The following BLNK variants were observed in gnomAD, a reference collection of about 807,000 sequenced individuals.
BLNK encodes B cell linker.
BLNK carries 29 observed loss-of-function variants against 73.5 expected under a neutral mutation model. The observed-to-expected ratio is 0.39, with a 90% confidence interval of 0.29 to 0.54. The LOEUF is 0.54. Among genes scored for constraint, BLNK ranks in the 20% least tolerant of loss-of-function variants. BLNK has a pLI of 0.61. For missense variants in BLNK, 460 were observed against 562.8 expected, an observed-to-expected ratio of 0.82 and a Z score of 1.85; for synonymous variants, 176 against 200.8, an observed-to-expected ratio of 0.88 and a Z score of 1.04.
At chr10:96,242,284 A>G (rs587756555) in intron 3 of BLNK, among the ~76,000 whole-genome samples, 1 of 152,088 alleles carries the variant, frequency 6.6e-6, no homozygotes, top group Non-Finnish European at 1.5e-5. Context: ...TTTGCCTTCC[A>G]CTATGATTGT....
At chr10:96,240,449 G>A (rs1203529356) in intron 3 of BLNK, among the ~76,000 whole-genome samples, 1 of 152,054 alleles carries the variant, frequency 6.6e-6, no homozygotes, top group Non-Finnish European at 1.5e-5. Flanking sequence ...TTTAAGAGAT[G>A]GGATCTCGCT....
At chr10:96,246,945 A>G in intron 2 of BLNK, 39 bp downstream of exon 2, 2 of 1,458,462 alleles carry the variant, frequency 1.4e-6, no homozygotes, top group South Asian at 1.2e-5. Context: ...ATGTTGACTT[A>G]TTTTATATAA....
intron 3 of BLNK, among the ~76,000 whole-genome samples, chr10:96,235,229 G>A (rs1554904874): frequency 3.9e-5 from 6 of 152,182 alleles, no homozygotes; most frequent in Non-Finnish European, 5.9e-5. Flanking sequence ...TCACCTCTGG[G>A]CCTCAGCTTC....
Position 96,191,802 on chromosome 10 carries a change from C to A in BLNK, c.*171G>T. On this transcript the variant is annotated 3_prime_UTR_variant, in exon 17 of 17. Transcript: ENST00000224337. ...ATCAGGTCAGGCAATAGAACAAGTC[C>A]ACATGAGCTTCTTAAAAAGAAATGG... 1 of 808,996 alleles carries A rather than the reference C, an allele frequency of 1.2e-6. No homozygotes were observed. The highest frequency in any genetic ancestry group is 1.7e-5 in the South Asian group (1 of 60,300). 50.1% of individuals were successfully genotyped at this position (808,996 alleles called of 1,614,324 possible). A position where few individuals can be genotyped will look rare whatever the true frequency, so the allele number is the denominator to read the frequency against.
chr10:96,203,706 C>T (rs1273642691), intron 13 of BLNK: 1 of 174,424 alleles, frequency 5.7e-6, no homozygotes, highest in African/African-American at 2.4e-5. Flanking sequence ...TGTTTAGAAC[C>T]AAACACTATA....
chr10:96,193,332 T>C (rs782180750), intron 16 of BLNK, among the ~76,000 whole-genome samples: 17 of 152,196 alleles, frequency 1.1e-4, no homozygotes, highest in Admixed American at 3.9e-4. Flanking sequence ...GAAAACGAAA[T>C]AGCACAATCT....
At position 96,209,858 on chromosome 10, in the gene BLNK, T is replaced by C. The variant is rs2133983317; in HGVS notation, c.726A>G (p.Pro242=). 2.5e-6 allele frequency: 4 copies of C among 1,614,212 alleles called. No individual in the cohort carries two copies. The highest frequency in any genetic ancestry group is 3.4e-6 in the Non-Finnish European group (4 of 1,180,022). ...CTTACCCGGCCCGTGGCAACGGGGA[T>C]GGTGCAGCTGGTGGAGGTGACTTGG... ...WETKSPPPAA[P]SPLPRAGKKP... is the part of the protein sequence containing the mutation. Residue 242 remains proline, a synonymous_variant, in exon 9 of 17, where the codon CCA becomes CCG. Transcript: ENST00000224337.
At chr10:96,265,074 G>A (rs1323095041) in intron 1 of BLNK, among the ~76,000 whole-genome samples, 1 of 151,982 alleles carries the variant, frequency 6.6e-6, no homozygotes, top group Non-Finnish European at 1.5e-5. Context: ...TCCCATTTCA[G>A]CCTCCTAAGT....
chr10:96,240,587 A>G lies in BLNK; in HGVS notation c.163+2148T>C, dbSNP rs138407762. Among the ~76,000 whole-genome samples the G allele has an allele frequency of 1.1e-4, 17 of 152,212 alleles. No individual in the cohort carries two copies. The East Asian group carries it at 3.3e-3, about 29-fold the overall frequency. Reference sequence around the variant, plus strand: ...ACTTTTCTTCATATTTAAAGGCTTGAACTGTGTGGCCATCAGGATAGACAT... The same window carrying G: ...ACTTTTCTTCATATTTAAAGGCTTGGACTGTGTGGCCATCAGGATAGACAT... On this transcript the variant is annotated intron_variant, in intron 3 of 16. Coordinates refer to ENST00000224337, the MANE Select transcript of BLNK (RefSeq NM_013314.4).
chr10:96,248,628 A>T (rs1195842256), intron 1 of BLNK, among the ~76,000 whole-genome samples: 1 of 152,262 alleles, frequency 6.6e-6, no homozygotes, highest in Non-Finnish European at 1.5e-5. Flanking sequence ...GTATATACAT[A>T]TAAGCATGTT....
At chr10:96,196,335 A>G (rs2083464269) in intron 16 of BLNK, among the ~76,000 whole-genome samples, 1 of 152,168 alleles carries the variant, frequency 6.6e-6, no homozygotes, top group African/African-American at 2.4e-5. Context: ...GGCTGGCTAA[A>G]CTGAGATATG....
chr10:96,261,607 T>C (rs185150378), intron 1 of BLNK, among the ~76,000 whole-genome samples: 24 of 152,274 alleles, frequency 1.6e-4, no homozygotes, highest in Middle Eastern at 6.8e-3. Context: ...AAATCTGAAG[T>C]CCTGCCATGG....
At chr10:96,206,869 C>G in intron 11 of BLNK, 142 bp downstream of exon 11, 1 of 896,276 alleles carries the variant, frequency 1.1e-6, no homozygotes, top group Non-Finnish European at 1.8e-6. Flanking sequence ...GTTCATTGCT[C>G]ATTGCAAAAA....
intron 1 of BLNK, among the ~76,000 whole-genome samples, chr10:96,250,707 TAAAC>T (rs1843249439): frequency 6.6e-6 from 1 of 152,202 alleles, no homozygotes; most frequent in Non-Finnish European, 1.5e-5. Context: ...TGGATGTAAA[TAAAC>T]AGATGCAAAA....
Position 96,271,405 on chromosome 10 carries a change from T to C in BLNK, c.-7A>G. ...TTTTATTAAGCTTGTCCATTCTGTT[T>C]GGTAATTGTAAGAGACACGAATAAC... On this transcript the variant is annotated 5_prime_UTR_variant, in exon 1 of 17. Transcript: ENST00000224337. 1 of 1,614,138 alleles carries C rather than the reference T, an allele frequency of 6.2e-7. No individual in the cohort carries two copies. Among genetic ancestry groups the C allele is most frequent in the Non-Finnish European group, 8.5e-7 (1 of 1,179,996 alleles).
intron 1 of BLNK, among the ~76,000 whole-genome samples, chr10:96,262,954 T>C (rs1843823813): frequency 6.6e-6 from 1 of 152,228 alleles, no homozygotes; most frequent in South Asian, 2.1e-4. Flanking sequence ...ACAGGTGACC[T>C]GGCCTCTCTG....
chr10:96,201,100 T>C (rs2083621188), intron 13 of BLNK, 42 bp from the exon 14 acceptor site: 1 of 1,537,530 alleles, frequency 6.5e-7, no homozygotes, highest in Non-Finnish European at 9.0e-7. Flanking sequence ...TCTTCATATT[T>C]CTTGAACTCT....
At position 96,191,971 on chromosome 10, in the gene BLNK, C is replaced by G; in HGVS notation, c.*2G>C. The stretch of plus-strand genomic sequence containing the variant: ...AATGGTATTGATCTTTTTTTTCCCC[C>G]TTTATGAAACTTTAACTGCATACTT... On this transcript the variant is annotated 3_prime_UTR_variant, in exon 17 of 17. Coordinates refer to ENST00000224337, the MANE Select transcript of BLNK (RefSeq NM_013314.4). 1 of 1,613,340 alleles carries G rather than the reference C, an allele frequency of 6.2e-7. No individual in the cohort carries two copies. The highest frequency in any genetic ancestry group is 8.5e-7 in the Non-Finnish European group (1 of 1,179,574).
intron 3 of BLNK, 73 bp from the exon 4 acceptor site, chr10:96,230,907 A>G: frequency 6.7e-7 from 1 of 1,502,670 alleles, no homozygotes. Context: ...ATCCACACAC[A>G]TTTCGCACCT....
Sources: allele counts gnomAD v4.1 joint callset (sites outside exome capture counted in the v4.1 genomes callset), GRCh38; gene constraint gnomAD v4.1.1; transcripts MANE v1.5; gene names NCBI Gene and HGNC (gene_info 2026-07-23, HGNC 2026-07-21).